TPRN: variants seen among roughly 807,000 people sequenced by gnomAD.
TPRN encodes taperin.
Under a neutral mutation model 42.6 loss-of-function variants are expected in TPRN, and 32 were observed. That is an observed-to-expected ratio of 0.75 (90% CI 0.57 to 1.01). The LOEUF is 1.01. Among genes scored for constraint, TPRN ranks in the 50% least tolerant of loss-of-function variants. The probability of loss-of-function intolerance (pLI) is 0.00; values close to 1 mark genes in which losing one functional copy is unlikely to be tolerated. For missense variants in TPRN, 1,095 were observed against 957.5 expected, an observed-to-expected ratio of 1.14 and a Z score of -1.90; for synonymous variants, 541 against 445.6, an observed-to-expected ratio of 1.21 and a Z score of -2.70.
At chr9:137,194,676 C>G (rs1487917223) in intron 1 of TPRN, 1 of 152,258 alleles carries the variant, frequency 6.6e-6, no homozygotes. Flanking sequence ...GACAGGCAGC[C>G]CCTGTCTGCC....
rs779328131 is a variant in TPRN at position 137,199,156 on chromosome 9, T to C, written c.1556A>G (p.Gln519Arg). ...CCGTGGCCGAGGCTCCCTGTTGGCC[T>C]GACTGAAGTGCTGGTCCTGCAGAGT... is the stretch of plus-strand genomic sequence containing the variant. Reference protein sequence around the residue: ...PGTLQDQHFSQANREPRPREA... With the variant: ...PGTLQDQHFSRANREPRPREA... The change falls in exon 1 of 4, where the codon CAG becomes CGG. Residue 519 changes from glutamine to arginine, a missense_variant. Physicochemically the swap from Gln to Arg is conservative, Grantham distance 43. Coordinates refer to ENST00000409012, the MANE Select transcript of TPRN (RefSeq NM_001128228.3). 1 of 1,613,250 alleles carries C rather than the reference T, an allele frequency of 6.2e-7. No individual in the cohort carries two copies. The highest frequency in any genetic ancestry group is 1.7e-5 in the Admixed American group (1 of 60,036).
At chr9:137,193,232 A>C (rs1411023657) in intron 1 of TPRN, 6 of 159,966 alleles carry the variant, frequency 3.8e-5, no homozygotes, top group Non-Finnish European at 6.9e-5. Context: ...CAGAGCATGG[A>C]CCCCCCACTG....
Position 137,199,805 on chromosome 9 carries a change from G to A in TPRN, c.907C>T (p.Pro303Ser). The A allele has an allele frequency of 6.3e-7, 1 of 1,598,808 alleles. No homozygotes were observed. Among genetic ancestry groups the A allele is most frequent in the Non-Finnish European group, 8.5e-7 (1 of 1,173,370 alleles). ...GGGATGGTCTCCATAACTGGCTTGG[G>A]GGCCGGCCGTATCTCGAAGGAGTCG... ...TNDSFEIRPA[P>S]KPVMETIPLG... The change falls in exon 1 of 4, where the codon CCC becomes TCC. Residue 303 changes from proline to serine, a missense_variant. Pro to Ser is a moderately conservative substitution (Grantham distance 74, BLOSUM62 -1). Coordinates refer to ENST00000409012, the MANE Select transcript of TPRN (RefSeq NM_001128228.3).
rs1015524990 is a variant in TPRN at position 137,200,692 on chromosome 9, G to A, written c.20C>T (p.Pro7Leu). The change falls in exon 1 of 4, where the codon CCG becomes CTG. Residue 7 changes from proline (P) to leucine (L), a missense_variant. By Grantham distance (98) the Pro-to-Leu change is moderately conservative. Transcript: ENST00000409012. This position sits in a 1 kb window ranked among gnomAD's most constrained non-coding sequence, Gnocchi z 4.3. MAALGR[P>L]GSGPRAAVPA... Reference sequence around the variant, plus strand: ...CACCGCAGCGCGCGGCCCCGAGCCCGGCCGCCCCAGGGCGGCCATGCTGCG... The same window carrying A: ...CACCGCAGCGCGCGGCCCCGAGCCCAGCCGCCCCAGGGCGGCCATGCTGCG... 16 of 1,206,160 alleles carry A rather than the reference G, an allele frequency of 1.3e-5. No individual in the cohort carries two copies. Among genetic ancestry groups the A allele is most frequent in the African/African-American group, 1.6e-5 (1 of 61,494 alleles). 74.7% of individuals were successfully genotyped at this position (1,206,160 alleles called of 1,614,324 possible).
At chr9:137,198,002 C>A (rs1434094354) in intron 1 of TPRN, among the ~76,000 whole-genome samples, 2 of 152,208 alleles carry the variant, frequency 1.3e-5, no homozygotes, top group African/African-American at 4.8e-5. Flanking sequence ...GAGGCAGCAG[C>A]CTATCTGCTG....
At position 137,192,587 on chromosome 9, in the gene TPRN, C is replaced by G. The variant is rs535879219; in HGVS notation, c.1830G>C (p.Glu610Asp). The G allele has an allele frequency of 6.2e-7, 1 of 1,612,982 alleles. No individual in the cohort carries two copies. Among genetic ancestry groups the G allele is most frequent in the Admixed American group, 1.7e-5 (1 of 59,962 alleles). The part of the protein sequence containing the change: ...EEEVDQQEEE[E>D]EEEEEEEEEE... Reference sequence around the variant, plus strand: ...CCTCTTCCTCTTCCTCCTCCTCCTCCTCCTCCTCCTCCTGCTGGTCCACCT... The same window carrying G: ...CCTCTTCCTCTTCCTCCTCCTCCTCGTCCTCCTCCTCCTGCTGGTCCACCT... Residue 610 changes from glutamate to aspartate, a missense_variant, in exon 2 of 4, where the codon GAG becomes GAC. By Grantham distance (45) the Glu-to-Asp change is conservative (BLOSUM62 2). Transcript: ENST00000409012.
At chr9:137,198,133 GAGGCGCCCC>G (rs1386404793) in intron 1 of TPRN, among the ~76,000 whole-genome samples, 1 of 152,196 alleles carries the variant, frequency 6.6e-6, no homozygotes, top group Non-Finnish European at 1.5e-5. Flanking sequence ...AGACCCAAGG[GAGGCGCCCC>G]AGGCGCCCCC....
In TPRN at chr9:137,198,898, G is replaced by A. The variant is rs1834745268; in HGVS notation, c.1725+89C>T. ...AAACCATCCTTTGCCCAGGCCAAGCGTCCTGGGATCAGGGCAGGTGCTGCC... is the reference window on the plus strand; with the variant it reads ...AAACCATCCTTTGCCCAGGCCAAGCATCCTGGGATCAGGGCAGGTGCTGCC... On this transcript the variant is annotated intron_variant, in intron 1 of 3. Transcript: ENST00000409012. The A allele has an allele frequency of 2.9e-5, 47 of 1,599,052 alleles. No individual in the cohort carries two copies. In the South Asian group the frequency reaches 3.1e-4, roughly 11 times the overall value.
rs1834774188 is a variant in TPRN at position 137,199,864 on chromosome 9, T to C, written c.848A>G (p.Gln283Arg). ...ASPPASATPSQRQCVSAATST... is the reference protein window; with the variant it reads ...ASPPASATPSRRQCVSAATST... ...GGTGGCTGCGGAGACGCACTGGCGC[T>C]GGCTAGGAGTGGCACTGGCAGGGGG... Residue 283 changes from glutamine (Q) to arginine (R), a missense_variant, in exon 1 of 4, where the codon CAG (glutamine) becomes CGG (arginine). Transcript: ENST00000409012. 7.8e-7 allele frequency: 1 copy of C among 1,287,740 alleles called. No homozygotes were observed. Among genetic ancestry groups the C allele is most frequent in the Non-Finnish European group, 1.0e-6 (1 of 986,178 alleles). 79.8% of individuals were successfully genotyped at this position (1,287,740 alleles called of 1,614,324 possible).
At position 137,200,286 on chromosome 9, in the gene TPRN, C is replaced by T. The variant is rs1478692998; in HGVS notation, c.426G>A (p.Pro142=). 1 of 986,182 alleles carries T rather than the reference C, an allele frequency of 1.0e-6. No homozygotes were observed. Among genetic ancestry groups the T allele is most frequent in the African/African-American group, 1.8e-5 (1 of 55,578 alleles). The allele number at this position is 986,182 out of a possible 1,614,324, so 61.1% of individuals were successfully genotyped here. Residue 142 remains proline, a synonymous_variant, in exon 1 of 4, where the codon CCG becomes CCA. Coordinates refer to ENST00000409012, the MANE Select transcript of TPRN (RefSeq NM_001128228.3). This position sits in a 1 kb window ranked among gnomAD's most constrained non-coding sequence, Gnocchi z 4.3. The stretch of plus-strand genomic sequence containing the variant: ...TCCCGCGGCGGCGCGGCGCGGCGGG[C>T]GGGTCGAACCTCTCCAGTAGGCGGC... ...RVSRLLERFD[P]PAAPRRRGSP...
intron 1 of TPRN, among the ~76,000 whole-genome samples, chr9:137,197,158 G>T (rs1385508223): frequency 6.6e-6 from 1 of 152,158 alleles, no homozygotes; most frequent in Non-Finnish European, 1.5e-5. Context: ...GAGTGCAATG[G>T]CGCGATCTCG....
In TPRN at chr9:137,200,067, G is replaced by C; in HGVS notation, c.645C>G (p.Gly215=). Reference sequence around the variant, plus strand: ...CGTTGGAGAGCAGGCGGGCGCCCGCGCCGCGGTGCAGACCCCGGGGGTGGA... The same window carrying C: ...CGTTGGAGAGCAGGCGGGCGCCCGCCCCGCGGTGCAGACCCCGGGGGTGGA... ...FTVHPRGLHR[G]AGARLLSNGH... The change falls in exon 1 of 4, where the codon GGC becomes GGG. Residue 215 remains glycine, a synonymous_variant. Transcript: ENST00000409012. This position sits in a 1 kb window ranked among gnomAD's most constrained non-coding sequence, Gnocchi z 4.3. The C allele has an allele frequency of 7.0e-7, 1 of 1,431,624 alleles. No homozygotes were observed. Among genetic ancestry groups the C allele is most frequent in the Non-Finnish European group, 9.1e-7 (1 of 1,099,574 alleles). 88.7% of individuals were successfully genotyped at this position (1,431,624 alleles called of 1,614,324 possible). A position where few individuals can be genotyped will look rare whatever the true frequency, so the allele number is the denominator to read the frequency against.
rs752497825 is a variant in TPRN, at chr9:137,192,215, C to T, written c.2074-41G>A. The T allele has an allele frequency of 2.1e-5, 34 of 1,613,188 alleles. No individual in the cohort carries two copies. The East Asian group carries it at 3.8e-4, about 18-fold the overall frequency. On this transcript the variant is annotated intron_variant, in intron 3 of 3. Coordinates refer to ENST00000409012, the MANE Select transcript of TPRN (RefSeq NM_001128228.3). ...CAGAATGTGGACACATGGGCTCGCCCGGGTGTCAGACTCCCCCCAGCGCTC... is the reference window on the plus strand; with the variant it reads ...CAGAATGTGGACACATGGGCTCGCCTGGGTGTCAGACTCCCCCCAGCGCTC...
rs1834618856 is a variant in TPRN at position 137,191,690 on chromosome 9, G to A, written c.*422C>T. 2.9e-6 allele frequency: 1 copy of A among 342,558 alleles called. No homozygotes were observed. The highest frequency in any genetic ancestry group is 5.7e-6 in the Non-Finnish European group (1 of 174,076). The allele number at this position is 342,558 out of a possible 1,614,324, so 21.2% of individuals were successfully genotyped here. On this transcript the variant is annotated 3_prime_UTR_variant, in exon 4 of 4. Coordinates refer to ENST00000409012, the MANE Select transcript of TPRN (RefSeq NM_001128228.3). Reference sequence around the variant, plus strand: ...ACGCCACTCATCACAGAGGGCATGTGGGCTGCGGGCAGGGGCTTAGGGTCC... The same window carrying A: ...ACGCCACTCATCACAGAGGGCATGTAGGCTGCGGGCAGGGGCTTAGGGTCC...
Position 137,200,191 on chromosome 9 carries a change from G to C in TPRN, c.521C>G (p.Pro174Arg). Residue 174 changes from proline (P) to arginine (R), a missense_variant, in exon 1 of 4, where the codon CCC (proline) becomes CGC (arginine). Physicochemically the swap from Pro to Arg is moderately radical, Grantham distance 103. Transcript: ENST00000409012. This position sits in a 1 kb window ranked among gnomAD's most constrained non-coding sequence, Gnocchi z 4.3. Reference protein sequence around the residue: ...PAPPRPPPAAPSPPAAPGPRG... With the variant: ...PAPPRPPPAARSPPAAPGPRG... ...GGGCCCGGGCGCGGCGGGCGGGCTG[G>C]GGGCCGCGGGCGGGGGCCGGGGCGG... The C allele has an allele frequency of 1.0e-6, 1 of 973,680 alleles. No homozygotes were observed. Among genetic ancestry groups the C allele is most frequent in the South Asian group, 4.7e-5 (1 of 21,238 alleles). 60.3% of individuals were successfully genotyped at this position (973,680 alleles called of 1,614,324 possible). A position where few individuals can be genotyped will look rare whatever the true frequency, so the allele number is the denominator to read the frequency against.
In TPRN at chr9:137,192,119, T is replaced by C. The variant is rs1162923989; in HGVS notation, c.2129A>G (p.Tyr710Cys). 2 of 1,613,084 alleles carry C rather than the reference T, an allele frequency of 1.2e-6. No homozygotes were observed. The highest frequency in any genetic ancestry group is 1.7e-6 in the Non-Finnish European group (2 of 1,180,006). The change falls in exon 4 of 4, where the codon TAT becomes TGT. Residue 710 changes from tyrosine (Y) to cysteine (C), a missense_variant. Tyr to Cys is a radical substitution (Grantham distance 194, BLOSUM62 -2). Transcript: ENST00000409012. The stretch of plus-strand genomic sequence containing the variant: ...GTCCTGGCAGTGCTGGGCTCAGAAA[T>C]ACAGGGCTGGCTCGCTGCGGAAGTC... Reference protein sequence around the residue: ...LSDFRSEPALYF With the variant: ...LSDFRSEPALCF
chr9:137,199,265 G>T lies in TPRN; in HGVS notation c.1447C>A (p.His483Asn), dbSNP rs778102738. 3.7e-6 allele frequency: 6 copies of T among 1,612,188 alleles called. No individual in the cohort carries two copies. The East Asian group carries it at 1.3e-4, about 36-fold the overall frequency. ...GCCACGCACCCGGGCCTGGCAGGGT[G>T]CAGAGGCCTGGCAGGGTGCGGGAGG... ...PYLPHPARPL[H>N]PARPGCVAEL... is the part of the protein sequence containing the mutation. The change falls in exon 1 of 4, where the codon CAC (histidine) becomes AAC (asparagine). Residue 483 changes from histidine (H) to asparagine (N), a missense_variant. Physicochemically the swap from His to Asn is moderately conservative, Grantham distance 68. Transcript: ENST00000409012.
rs1194185657 is a variant in TPRN, at chr9:137,200,112, G to C, written c.600C>G (p.Thr200=). 3 of 1,288,458 alleles carry C rather than the reference G, an allele frequency of 2.3e-6. No individual in the cohort carries two copies. Among genetic ancestry groups the C allele is most frequent in the East Asian group, 3.0e-5 (1 of 32,890 alleles). The allele number at this position is 1,288,458 out of a possible 1,614,324, so 79.8% of individuals were successfully genotyped here. A position where few individuals can be genotyped will look rare whatever the true frequency, so the allele number is the denominator to read the frequency against. The change falls in exon 1 of 4, where the codon ACC becomes ACG. Residue 200 remains threonine, a synonymous_variant. Transcript: ENST00000409012. The surrounding 1 kb of genome is among the most constrained non-coding windows in gnomAD (Gnocchi z 4.3). ...GARRSDFLQK[T]GSNSFTVHPR... Reference sequence around the variant, plus strand: ...GGTGGACGGTGAAGGAGTTGCTGCCGGTCTTCTGGAGGAAGTCGCTGCGCC... The same window carrying C: ...GGTGGACGGTGAAGGAGTTGCTGCCCGTCTTCTGGAGGAAGTCGCTGCGCC...
At position 137,200,116 on chromosome 9, in the gene TPRN, T is replaced by A; in HGVS notation, c.596A>T (p.Lys199Met). The change falls in exon 1 of 4, where the codon AAG becomes ATG. Residue 199 changes from lysine (K) to methionine (M), a missense_variant. Transcript: ENST00000409012. This position sits in a 1 kb window ranked among gnomAD's most constrained non-coding sequence, Gnocchi z 4.3. The part of the protein sequence containing the change: ...PGARRSDFLQ[K>M]TGSNSFTVHP... The stretch of plus-strand genomic sequence containing the variant: ...GACGGTGAAGGAGTTGCTGCCGGTC[T>A]TCTGGAGGAAGTCGCTGCGCCGGGC... 1 of 1,252,070 alleles carries A rather than the reference T, an allele frequency of 8.0e-7. No homozygotes were observed. The highest frequency in any genetic ancestry group is 3.3e-5 in the South Asian group (1 of 30,756). 77.6% of individuals were successfully genotyped at this position (1,252,070 alleles called of 1,614,324 possible).
Sources: gnomAD v4.1 joint callset for allele counts (sites outside exome capture counted in the v4.1 genomes callset) on GRCh38, gnomAD v4.1.1 for gene constraint, Gnocchi (gnomAD v3.1) non-coding constraint, MANE v1.5 for transcripts, NCBI Gene and HGNC (gene_info 2026-07-23, HGNC 2026-07-21) for gene names.